Variants in PPP1R2 observed in about 807,000 individuals in gnomAD.
The protein encoded by PPP1R2 is protein phosphatase inhibitor 2.
In PPP1R2, 16 loss-of-function variants were observed where a neutral mutation model predicts 29.9. That is an observed-to-expected ratio of 0.53 (90% CI 0.36 to 0.81). The LOEUF is 0.81. PPP1R2 is among the 30% of genes least tolerant of loss of function. The pLI, the probability that PPP1R2 is intolerant of heterozygous loss-of-function variation, is 0.00. For synonymous variants in PPP1R2, 76 were observed against 91.5 expected (o/e 0.83, Z 0.96); for missense variants, 197 against 252.7 (o/e 0.78, Z 1.49).
chr3:195,528,288 G>A (rs1186824386), intron 2 of PPP1R2, among the ~76,000 whole-genome samples: 1 of 152,074 alleles, frequency 6.6e-6, no homozygotes. Context: ...ACTCCATCCA[G>A]GTTGCTGTGA....
chr3:195,539,498 G>A (rs1330279200), intron 1 of PPP1R2, among the ~76,000 whole-genome samples: 1 of 152,112 alleles, frequency 6.6e-6, no homozygotes, highest in East Asian at 1.9e-4. Context: ...GATCACTTGA[G>A]CCCAGGAGTT....
intron 1 of PPP1R2, among the ~76,000 whole-genome samples, chr3:195,541,520 C>T (rs1472379073): frequency 7.2e-6 from 1 of 138,330 alleles, no homozygotes; most frequent in African/African-American, 2.7e-5. Flanking sequence ...TGGTCTCAAA[C>T]TCCTGGGATC....
chr3:195,521,482 T>C (rs1340131069), intron 4 of PPP1R2, among the ~76,000 whole-genome samples: 1 of 152,108 alleles, frequency 6.6e-6, no homozygotes, highest in Non-Finnish European at 1.5e-5. Flanking sequence ...AGATTTCTGA[T>C]TTCCTTCATG....
chr3:195,542,636 T>G (rs1350601879), intron 1 of PPP1R2, among the ~76,000 whole-genome samples: 1 of 152,236 alleles, frequency 6.6e-6, no homozygotes, highest in Non-Finnish European at 1.5e-5. Context: ...TCAATTTCAT[T>G]CTTTGATGTT....
intron 1 of PPP1R2, among the ~76,000 whole-genome samples, chr3:195,538,720 G>C (rs823515): frequency 0.36 from 55,122 of 151,924 alleles, 10,401 homozygotes; most frequent in African/African-American, 0.4. Flanking sequence ...GAACTCCAAA[G>C]CAGACTGTGT....
chr3:195,528,137 C>A (rs1267715661), intron 2 of PPP1R2, among the ~76,000 whole-genome samples: 1 of 151,872 alleles, frequency 6.6e-6, no homozygotes, highest in African/African-American at 2.4e-5. Flanking sequence ...GTCTTTTATC[C>A]CTCAACCCCC....
intron 1 of PPP1R2, among the ~76,000 whole-genome samples, chr3:195,537,315 C>A (rs1049664361): frequency 6.6e-6 from 1 of 151,932 alleles, no homozygotes; most frequent in Non-Finnish European, 1.5e-5. Flanking sequence ...TGTATATATG[C>A]TATTCAATGC....
In PPP1R2 at chr3:195,514,558, C is replaced by T. The variant is rs113280812; in HGVS notation, c.*2338G>A. On this transcript the variant is annotated 3_prime_UTR_variant, in exon 6 of 6. Transcript: ENST00000618156. ...TCAACTGAAAGTTACCTTAACAATCCATTTACACCATTATGTCAAATTTTA... is the reference window on the plus strand; with the variant it reads ...TCAACTGAAAGTTACCTTAACAATCTATTTACACCATTATGTCAAATTTTA... 15 of 152,240 alleles carry T rather than the reference C, an allele frequency of 9.9e-5. No homozygotes were observed. In the East Asian group the frequency reaches 2.5e-3, roughly 25 times the overall value. 9.4% of individuals were successfully genotyped at this position (152,240 alleles called of 1,614,324 possible). A position where few individuals can be genotyped will look rare whatever the true frequency, so the allele number is the denominator to read the frequency against.
Position 195,534,569 on chromosome 3 carries a change from T to TGA in PPP1R2, c.123-4670_123-4669dup, listed in dbSNP as rs575756798. 7.9e-5 allele frequency among the ~76,000 whole-genome samples: 12 copies of TGA among 152,144 alleles called. No individual in the cohort carries two copies. In the South Asian group the frequency reaches 2.5e-3, roughly 32 times the overall value. ...TATAAAGCTGCTAACCCCGGAGCCTTGAAGGGAAAAGATAAACACCAGCTG... is the reference window on the plus strand; with the variant it reads ...TATAAAGCTGCTAACCCCGGAGCCTTGAGAAGGGAAAAGATAAACACCAGCTG... On this transcript the variant is annotated intron_variant, in intron 1 of 5. Transcript: ENST00000618156.
chr3:195,519,425 T>C, intron 4 of PPP1R2: 1 of 386,692 alleles, frequency 2.6e-6, no homozygotes, highest in Non-Finnish European at 4.5e-6. Context: ...TATCCAGCCA[T>C]TAGAAATTAT....
intron 2 of PPP1R2, 37 bp downstream of exon 2, chr3:195,529,757 G>T: frequency 1.4e-6 from 2 of 1,399,794 alleles, no homozygotes; most frequent in Non-Finnish European, 2.0e-6. Flanking sequence ...CAAAATGGAA[G>T]TAAGTCACAA....
intron 1 of PPP1R2, among the ~76,000 whole-genome samples, chr3:195,538,140 T>C (rs2108954725): frequency 6.6e-6 from 1 of 152,374 alleles, no homozygotes; most frequent in Non-Finnish European, 1.5e-5. Context: ...AAGCACCTGC[T>C]GGTTTCAGTT....
At chr3:195,532,551 A>T (rs1719225134) in intron 1 of PPP1R2, among the ~76,000 whole-genome samples, 1 of 152,136 alleles carries the variant, frequency 6.6e-6, no homozygotes, top group Non-Finnish European at 1.5e-5. Context: ...AAAACAAAAA[A>T]CAAATTTAAC....
At chr3:195,541,256 T>A (rs1719581483) in intron 1 of PPP1R2, among the ~76,000 whole-genome samples, 1 of 152,120 alleles carries the variant, frequency 6.6e-6, no homozygotes, top group East Asian at 1.9e-4. Context: ...AGATCCAAGT[T>A]AAGAATAAAC....
intron 3 of PPP1R2, among the ~76,000 whole-genome samples, 193 bp from the exon 4 acceptor site, chr3:195,523,979 T>G (rs1285493546): frequency 6.6e-6 from 1 of 151,956 alleles, no homozygotes; most frequent in Admixed American, 6.6e-5. Flanking sequence ...TCCTAGCTAT[T>G]TGGAAGGCCG....
intron 2 of PPP1R2, chr3:195,528,702 A>AC (rs1719069862): frequency 3.3e-4 from 20 of 59,972 alleles, no homozygotes; most frequent in African/African-American, 1.6e-3. Flanking sequence ...GGGCATAACT[A>AC]TTTTTTTTTT....
intron 2 of PPP1R2, among the ~76,000 whole-genome samples, chr3:195,526,558 C>T (rs1015974159): frequency 6.6e-6 from 1 of 152,140 alleles, no homozygotes; most frequent in Non-Finnish European, 1.5e-5. Flanking sequence ...CAAATATCTA[C>T]CATTCAAATT....
chr3:195,527,869 C>CTTT (rs745651540), intron 2 of PPP1R2: 6 of 314,190 alleles, frequency 1.9e-5, no homozygotes, highest in Non-Finnish European at 3.6e-5. Context: ...GATCTTGTAT[C>CTTT]TTTTTTTTTT....
In PPP1R2 at chr3:195,514,994, A is replaced by G. The variant is rs1718491852; in HGVS notation, c.*1902T>C. On this transcript the variant is annotated 3_prime_UTR_variant, in exon 6 of 6. Coordinates refer to ENST00000618156, the MANE Select transcript of PPP1R2 (RefSeq NM_006241.8). ...AAAGTCTTATCCTTTTCTTCACTCT[A>G]TGACAGCTACTTCTACAAAAAAAAA... 1 of 220,810 alleles carries G rather than the reference A, an allele frequency of 4.5e-6. No individual in the cohort carries two copies. The highest frequency in any genetic ancestry group is 6.6e-5 in the South Asian group (1 of 15,180). The allele number at this position is 220,810 out of a possible 1,614,324, so 13.7% of individuals were successfully genotyped here. A position where few individuals can be genotyped will look rare whatever the true frequency, so the allele number is the denominator to read the frequency against.
Sources: gnomAD v4.1 joint callset for allele counts (sites outside exome capture counted in the v4.1 genomes callset) on GRCh38, gnomAD v4.1.1 for gene constraint, MANE v1.5 for transcripts, NCBI Gene and HGNC (gene_info 2026-07-23, HGNC 2026-07-21) for gene names.